SUN1: variants seen among roughly 807,000 people sequenced by gnomAD.
SUN1 encodes the protein SUN domain-containing protein 1.
Under a neutral mutation model 103.2 loss-of-function variants are expected in SUN1, and 61 were observed. The observed-to-expected ratio is 0.59, with a 90% CI of 0.48 to 0.73. The LOEUF (loss-of-function observed/expected upper bound fraction) is 0.73. Ranked by LOEUF, SUN1 falls within the 30% of genes least tolerant of loss-of-function variation. The pLI, the probability that SUN1 is intolerant of heterozygous loss-of-function variation, is 0.00. For missense variants in SUN1, 1,052 were observed against 1,034.6 expected (o/e 1.02, Z -0.23); for synonymous variants, 490 against 425.7 (o/e 1.15, Z -1.86).
intron 5 of SUN1, 46 bp downstream of exon 5, chr7:843,566 A>AT: frequency 6.2e-7 from 1 of 1,613,694 alleles, no homozygotes. Flanking sequence ...TGTTTTCCAA[A>AT]TTTAATATTT....
chr7:819,258 A>T lies in SUN1; in HGVS notation c.-74+2585A>T, dbSNP rs919261579. Among the ~76,000 whole-genome samples the T allele has an allele frequency of 2.0e-5, 3 of 149,492 alleles. No individual in the cohort carries two copies. The Admixed American group carries it at 2.0e-4, about 10-fold the overall frequency. On this transcript the variant is annotated intron_variant, in intron 1 of 17. Coordinates refer to the SUN1 transcript ENST00000389574. ...ATACTAGACCCTCATTAGACATATG[A>T]TTAATAAATACTTTCTCCCAGTCTT...
At chr7:837,471 C>T (rs1368870108) in intron 1 of SUN1, among the ~76,000 whole-genome samples, 1 of 152,150 alleles carries the variant, frequency 6.6e-6, no homozygotes, top group East Asian at 1.9e-4. Context: ...CAAAGTACAT[C>T]TAAATAACAC....
intron 5 of SUN1, among the ~76,000 whole-genome samples, chr7:845,985 G>A (rs1369211491): frequency 6.6e-6 from 1 of 152,218 alleles, no homozygotes; most frequent in African/African-American, 2.4e-5. Context: ...CTGCAGGACT[G>A]TGCAGTTCTG....
At chr7:865,250 G>A (rs1280053984) in intron 15 of SUN1, among the ~76,000 whole-genome samples, 1 of 152,064 alleles carries the variant, frequency 6.6e-6, no homozygotes, top group Admixed American at 6.6e-5. Context: ...TGGGATTACA[G>A]GTGCCCGCCA....
At chr7:829,186 A>G (rs188489748), upstream of SUN1, among the ~76,000 whole-genome samples, 2 of 152,320 alleles carry the variant, frequency 1.3e-5, no homozygotes, top group Admixed American at 6.5e-5. Context: ...CTGTGTGGTT[A>G]CTGATCAGAT....
rs200505697 is a variant in SUN1 at position 832,553 on chromosome 7, G to A, written c.29G>A (p.Ser10Asn). 1.6e-4 allele frequency: 266 copies of A among 1,613,414 alleles called. No homozygotes were observed. Among genetic ancestry groups the A allele is most frequent in the Non-Finnish European group, 2.1e-4 (251 of 1,179,640 alleles). ...GATTTTTCTCGGCTTCACATGTACAGTCCTCCCCAGTGTGTGCCGGAGAAC... is the reference window on the plus strand; with the variant it reads ...GATTTTTCTCGGCTTCACATGTACAATCCTCCCCAGTGTGTGCCGGAGAAC... MDFSRLHMY[S>N]PPQCVPENTG... The change falls in exon 1 of 19, where the codon AGT becomes AAT. Residue 10 changes from serine to asparagine, a missense_variant. Physicochemically the swap from Ser to Asn is conservative, Grantham distance 46. Around this residue, in one of 2 missense-constraint regions of SUN1, gnomAD observed 846 missense variants for 774.5 expected, o/e 1.09. Coordinates refer to ENST00000401592, the MANE Select transcript of SUN1 (RefSeq NM_001130965.3).
intron 16 of SUN1, 133 bp downstream of exon 16, chr7:866,200 G>A (rs1836391364): frequency 2.7e-6 from 2 of 750,606 alleles, no homozygotes; most frequent in Non-Finnish European, 4.4e-6. Flanking sequence ...ACAAGAAGTG[G>A]CAGCGTTCCC....
rs927098358 is a variant in SUN1 at position 851,985 on chromosome 7, A to G, written c.793A>G (p.Ile265Val). ...CTCTGGAGTGTTCTGGTGGCTGGGGATTGGATGGTACCAGTTTGTTACTTT... is the reference window on the plus strand; with the variant it reads ...CTCTGGAGTGTTCTGGTGGCTGGGGGTTGGATGGTACCAGTTTGTTACTTT... ...AASGVFWWLG[I>V]GWYQFVTLIS... is the part of the protein sequence containing the mutation. Residue 265 changes from isoleucine (I) to valine (V), a missense_variant, in exon 7 of 19, where the codon ATT becomes GTT. Transcript: ENST00000401592. 12 of 1,613,758 alleles carry G rather than the reference A, an allele frequency of 7.4e-6. No homozygotes were observed. The highest frequency in any genetic ancestry group is 1.3e-5 in the African/African-American group (1 of 74,836).
upstream of SUN1, among the ~76,000 whole-genome samples, chr7:829,111 A>C (rs1014799717): frequency 1.1e-4 from 17 of 152,348 alleles, no homozygotes; most frequent in African/African-American, 3.8e-4. Context: ...GCAGAATGTC[A>C]ACTTCAGATT....
At chr7:856,798 A>G (rs1230832470) in intron 12 of SUN1, among the ~76,000 whole-genome samples, 1 of 152,108 alleles carries the variant, frequency 6.6e-6, no homozygotes, top group East Asian at 1.9e-4. Context: ...GTTGGCATCT[A>G]GGTGGGCGGG....
chr7:839,078 C>CT, intron 2 of SUN1, 92 bp downstream of exon 2: 1 of 1,328,644 alleles, frequency 7.5e-7, no homozygotes, highest in East Asian at 2.6e-5. Context: ...CGCACCCTGT[C>CT]TCGAGCTTAA....
At chr7:848,698 C>T in intron 5 of SUN1, 2 of 1,007,582 alleles carry the variant, frequency 2.0e-6, no homozygotes, top group South Asian at 1.5e-5. Context: ...TCGCCAGGCG[C>T]CTCCCTCGCT....
chr7:850,792 A>C (rs1166868273), intron 5 of SUN1: 3 of 151,342 alleles, frequency 2.0e-5, no homozygotes, highest in Non-Finnish European at 2.9e-5. Flanking sequence ...ACAAAAAAAA[A>C]CTGGAACAAA....
At chr7:820,330 G>T (rs1784804534) in intron 1 of SUN1, among the ~76,000 whole-genome samples, 1 of 152,110 alleles carries the variant, frequency 6.6e-6, no homozygotes, top group African/African-American at 2.4e-5. Flanking sequence ...AATACTTTCT[G>T]GTGCTATTGT....
chr7:853,696 CAG>C (rs968003871), intron 10 of SUN1, 78 bp downstream of exon 10: 31 of 1,470,608 alleles, frequency 2.1e-5, no homozygotes, highest in South Asian at 1.1e-4. Context: ...TTTTGGGAGA[CAG>C]AGGGGACAGG....
At chr7:854,542 G>A (rs924304768) in intron 10 of SUN1, among the ~76,000 whole-genome samples, 1 of 152,234 alleles carries the variant, frequency 6.6e-6, no homozygotes, top group African/African-American at 2.4e-5. Context: ...CCCGAGGGGC[G>A]CTGGATGGCG....
At chr7:849,947 A>C in intron 5 of SUN1, 1 of 1,599,922 alleles carries the variant, frequency 6.3e-7, no homozygotes, top group Non-Finnish European at 8.5e-7. Flanking sequence ...GGCAAGAGGC[A>C]CCTCGACGCG....
At chr7:847,516 C>G in intron 5 of SUN1, among the ~76,000 whole-genome samples, 1 of 92,294 alleles carries the variant, frequency 1.1e-5, no homozygotes, top group Non-Finnish European at 2.3e-5. Context: ...GCGGAGTTGG[C>G]GGCCTTCCCC....
chr7:870,986 G>A (rs1028144045), intron 17 of SUN1, among the ~76,000 whole-genome samples: 1 of 150,214 alleles, frequency 6.7e-6, no homozygotes, highest in African/African-American at 2.5e-5. Context: ...CGCCTCCCGG[G>A]TTCAAGCGAT....
Sources: gnomAD v4.1 joint callset for allele counts (sites outside exome capture counted in the v4.1 genomes callset) on GRCh38, gnomAD v4.1.1 for gene constraint, gnomAD v4.1.1 regional missense constraint, MANE v1.5 for transcripts, NCBI Gene and HGNC (gene_info 2026-07-23, HGNC 2026-07-21) for gene names.